DAB1: variants seen among roughly 807,000 people sequenced by gnomAD.
DAB1 encodes DAB adaptor protein 1, also known as disabled homolog 1.
A neutral mutation model predicts 64.6 loss-of-function variants in DAB1; 15 were observed. The observed-to-expected ratio is 0.23, with a 90% CI of 0.16 to 0.36. The LOEUF (loss-of-function observed/expected upper bound fraction) is 0.36. Among genes scored for constraint, DAB1 ranks in the 10% least tolerant of loss-of-function variants. The pLI, the probability that DAB1 is intolerant of heterozygous loss-of-function variation, is 1.00. For synonymous variants in DAB1, 235 were observed against 251.9 expected (o/e 0.93, Z 0.64); for missense variants, 596 against 706.7 (o/e 0.84, Z 1.78).
rs117964697 is a variant in DAB1 at position 57,544,885 on chromosome 1, G to A, written n.625+104707C>T. Among the ~76,000 whole-genome samples, 35 of 152,232 alleles carry A rather than the reference G, an allele frequency of 2.3e-4. No individual in the cohort carries two copies. The East Asian group carries it at 3.7e-3, about 16-fold the overall frequency. ...TTGTAAGTTCCCTGAGGCCTCCCCC[G>A]CCATGCGGAACTGTGAGTCAATTAA... On this transcript the variant is annotated intron_variant and non_coding_transcript_variant, in intron 7 of 20. Transcript: ENST00000485760.
chr1:58,296,199 A>AAGAAAG (rs1661981088), intron 4 of DAB1, among the ~76,000 whole-genome samples: 1 of 48,828 alleles, frequency 2.0e-5, no homozygotes, highest in Non-Finnish European at 4.2e-5. Context: ...AAGAAAGAGA[A>AAGAAAG]AGAAAGAAAG....
chr1:57,068,715 C>T (rs942915407), intron 8 of DAB1, among the ~76,000 whole-genome samples: 7 of 152,300 alleles, frequency 4.6e-5, no homozygotes, highest in Middle Eastern at 3.4e-3. Flanking sequence ...GGCAGAGCTT[C>T]GCCTTCACAC....
intron 5 of DAB1, among the ~76,000 whole-genome samples, chr1:57,924,256 A>C (rs1292040128): frequency 6.6e-6 from 1 of 152,228 alleles, no homozygotes; most frequent in African/African-American, 2.4e-5. Flanking sequence ...TGGAAGAGAC[A>C]AACAACTTGA....
At chr1:57,395,739 CATATTAGGGA>C (rs1332454873) in intron 1 of DAB1, among the ~76,000 whole-genome samples, 2,093 of 139,422 alleles carry the variant, frequency 0.015, 37 homozygotes, top group African/African-American at 0.046. Flanking sequence ...CCATGGCTAC[CATATTAGGGA>C]ATACAGACCT....
At chr1:58,449,174 C>T (rs565038849) in intron 3 of DAB1, among the ~76,000 whole-genome samples, 4 of 152,272 alleles carry the variant, frequency 2.6e-5, no homozygotes, top group East Asian at 1.9e-4. Flanking sequence ...CTGCACGTAT[C>T]GCGGGAATGA....
intron 6 of DAB1, among the ~76,000 whole-genome samples, chr1:57,738,904 G>C (rs1647826920): frequency 6.6e-6 from 1 of 152,148 alleles, no homozygotes; most frequent in Non-Finnish European, 1.5e-5. Flanking sequence ...GCCACACTTC[G>C]AGGTTGGAAA....
intron 2 of DAB1, among the ~76,000 whole-genome samples, chr1:57,157,584 G>C (rs953633996): frequency 2.0e-5 from 3 of 151,664 alleles, no homozygotes; most frequent in Admixed American, 2.0e-4. Context: ...GAGAGAGAGA[G>C]AGAGAGAGAG....
intron 5 of DAB1, among the ~76,000 whole-genome samples, chr1:57,941,178 A>C (rs909237297): frequency 1.3e-5 from 2 of 152,216 alleles, no homozygotes; most frequent in African/African-American, 4.8e-5. Context: ...CAGGGTTCCC[A>C]AGTTGTGGAC....
intron 1 of DAB1, among the ~76,000 whole-genome samples, chr1:57,321,272 A>G (rs994717011): frequency 1.3e-5 from 2 of 152,178 alleles, no homozygotes; most frequent in Admixed American, 6.5e-5. Flanking sequence ...CCATCTTCCA[A>G]TATGCACTAA....
intron 3 of DAB1, among the ~76,000 whole-genome samples, chr1:58,372,256 C>T (rs900547960): frequency 1.3e-5 from 2 of 152,206 alleles, no homozygotes; most frequent in Admixed American, 6.5e-5. Context: ...GGATGTGACA[C>T]ATGGAATCAA....
At chr1:57,182,189 G>C (rs1663039663) in intron 2 of DAB1, among the ~76,000 whole-genome samples, 1 of 152,158 alleles carries the variant, frequency 6.6e-6, no homozygotes, top group Non-Finnish European at 1.5e-5. Context: ...CCAGCTGCAA[G>C]TCAAGTATTC....
At chr1:57,807,015 T>G (rs1651393268) in intron 6 of DAB1, among the ~76,000 whole-genome samples, 1 of 152,198 alleles carries the variant, frequency 6.6e-6, no homozygotes, top group Admixed American at 6.5e-5. Context: ...AGTAAATGAA[T>G]GAATGAACCT....
intron 4 of DAB1, among the ~76,000 whole-genome samples, chr1:58,238,027 A>G (rs900801978): frequency 5.3e-5 from 8 of 152,192 alleles, no homozygotes; most frequent in African/African-American, 1.9e-4. Context: ...GGCAAAGTCA[A>G]GTTCTAACTT....
chr1:57,689,527 T>G (rs1330146496), intron 6 of DAB1, among the ~76,000 whole-genome samples: 1 of 152,190 alleles, frequency 6.6e-6, no homozygotes, highest in Non-Finnish European at 1.5e-5. Context: ...ACATAGTACC[T>G]AAAGAGATGG....
At chr1:57,181,885 G>GTTTGT (rs916857026) in intron 2 of DAB1, among the ~76,000 whole-genome samples, 7 of 151,966 alleles carry the variant, frequency 4.6e-5, no homozygotes, top group Admixed American at 6.6e-5. Flanking sequence ...TTTTTGTTTT[G>GTTTGT]TTTGTTTTGT....
chr1:57,184,859 A>T (rs765501372), intron 2 of DAB1, among the ~76,000 whole-genome samples: 1 of 151,942 alleles, frequency 6.6e-6, no homozygotes, highest in African/African-American at 2.4e-5. Context: ...CTTCTCCCCA[A>T]CTCAACCAGT....
At chr1:57,716,449 G>C (rs1307226389) in intron 6 of DAB1, among the ~76,000 whole-genome samples, 1 of 152,134 alleles carries the variant, frequency 6.6e-6, no homozygotes, top group Non-Finnish European at 1.5e-5. Context: ...TTTATAGCCA[G>C]CTGATTTTTA....
intron 4 of DAB1, among the ~76,000 whole-genome samples, chr1:58,307,067 A>G (rs887327562): frequency 3.3e-5 from 5 of 152,240 alleles, no homozygotes; most frequent in Non-Finnish European, 5.9e-5. Flanking sequence ...TGACTCTTCA[A>G]CTAGTGTTTT....
intron 5 of DAB1, among the ~76,000 whole-genome samples, chr1:57,898,317 G>A (rs1557543879): frequency 6.6e-6 from 1 of 151,884 alleles, no homozygotes; most frequent in Non-Finnish European, 1.5e-5. Context: ...CCAATGGCTG[G>A]GATTTTTCCA....
Sources: allele counts gnomAD v4.1 joint callset (sites outside exome capture counted in the v4.1 genomes callset), GRCh38; gene constraint gnomAD v4.1.1; transcripts MANE v1.5; gene names NCBI Gene and HGNC (gene_info 2026-07-23, HGNC 2026-07-21).